PARD3B: variants seen among roughly 807,000 people sequenced by gnomAD.
The protein encoded by PARD3B is partitioning defective 3 homolog B.
In PARD3B, 103 loss-of-function variants were observed where a neutral mutation model predicts 130.2. That is an observed-to-expected ratio of 0.79 (90% CI 0.67 to 0.93). The LOEUF (loss-of-function observed/expected upper bound fraction) is 0.93, where lower values mean the gene tolerates loss of function less well. Ranked by LOEUF, PARD3B falls within the 40% of genes least tolerant of loss-of-function variation. The probability of loss-of-function intolerance (pLI) is 0.00; values close to 1 mark genes in which losing one functional copy is unlikely to be tolerated. For synonymous variants in PARD3B, 583 were observed against 553.2 expected (o/e 1.05, Z -0.76); for missense variants, 1,609 against 1,499.2 (o/e 1.07, Z -1.21).
intron 18 of PARD3B, among the ~76,000 whole-genome samples, chr2:205,306,862 A>C (rs1382517408): frequency 6.6e-6 from 1 of 152,220 alleles, no homozygotes; most frequent in East Asian, 1.9e-4. Context: ...TTTAATTCTC[A>C]TCTGTTGCTC....
chr2:205,601,035 G>A (rs970960872), intron 22 of PARD3B, among the ~76,000 whole-genome samples: 1 of 152,162 alleles, frequency 6.6e-6, no homozygotes. Flanking sequence ...TGAGATTGCT[G>A]GGTCAAATGG....
rs111822817 is a variant in PARD3B at position 204,785,812 on chromosome 2, A to G, written c.222+99530A>G. 2.2e-4 allele frequency among the ~76,000 whole-genome samples: 33 copies of G among 152,254 alleles called. 2 individuals carry two copies. The highest frequency in any genetic ancestry group is 7.2e-4 in the African/African-American group (30 of 41,552). Reference sequence around the variant, plus strand: ...CTGATAGCCAGGGTCTTCACTGGGTACCATTCAAATATCAAAATGGGTTGG... The same window carrying G: ...CTGATAGCCAGGGTCTTCACTGGGTGCCATTCAAATATCAAAATGGGTTGG... On this transcript the variant is annotated intron_variant, in intron 2 of 22. Transcript: ENST00000406610.
rs2039934542 is a variant in PARD3B at position 205,253,270 on chromosome 2, C to T, written c.2185+7448C>T. On this transcript the variant is annotated intron_variant, in intron 16 of 22. Coordinates refer to ENST00000406610, the MANE Select transcript of PARD3B (RefSeq NM_001302769.2). The surrounding 1 kb of genome is among the most constrained non-coding windows in gnomAD (Gnocchi z 4.4). ...AGAAGATAGAGACAGGGTAGATAGA[C>T]ACTTAAGAGTAAAATGTATTAACAC... 2.1e-6 allele frequency: 1 copy of T among 474,652 alleles called. No individual in the cohort carries two copies. The highest frequency in any genetic ancestry group is 2.3e-5 in the Admixed American group (1 of 43,136). 29.4% of individuals were successfully genotyped at this position (474,652 alleles called of 1,614,324 possible). A position where few individuals can be genotyped will look rare whatever the true frequency, so the allele number is the denominator to read the frequency against.
intron 2 of PARD3B, among the ~76,000 whole-genome samples, chr2:204,826,845 C>A (rs2043598021): frequency 6.6e-6 from 1 of 152,186 alleles, no homozygotes; most frequent in Admixed American, 6.5e-5. Flanking sequence ...CATAGCAAGA[C>A]TCTTTCTCTA....
intron 2 of PARD3B, among the ~76,000 whole-genome samples, chr2:204,744,740 T>G (rs1475343853): frequency 6.6e-6 from 1 of 152,064 alleles, no homozygotes; most frequent in Non-Finnish European, 1.5e-5. Flanking sequence ...TCAGCTAAGA[T>G]TGATAGGGTT....
chr2:205,152,209 A>G (rs1280436683), intron 10 of PARD3B, among the ~76,000 whole-genome samples: 1 of 151,916 alleles, frequency 6.6e-6, no homozygotes, highest in East Asian at 1.9e-4. Flanking sequence ...CTTCATTTCA[A>G]CCTTGGTGAA....
intron 5 of PARD3B, among the ~76,000 whole-genome samples, chr2:205,106,829 C>T (rs1157143573): frequency 1.3e-5 from 2 of 151,978 alleles, no homozygotes; most frequent in African/African-American, 4.8e-5. Context: ...ACTTTAAGAC[C>T]CTGGAGTGGG....
chr2:205,184,772 A>T lies in PARD3B; in HGVS notation c.1925-992A>T, dbSNP rs531072882. 1.5e-3 allele frequency among the ~76,000 whole-genome samples: 230 copies of T among 151,324 alleles called. 1 individual carries two copies. The highest frequency in any genetic ancestry group is 5.5e-3 in the African/African-American group (224 of 41,062). On this transcript the variant is annotated intron_variant, in intron 13 of 22. Coordinates refer to ENST00000406610, the MANE Select transcript of PARD3B (RefSeq NM_001302769.2). ...TAATAATAATAATAAATATATACACACACACACACATATATATATATATAA... is the reference window on the plus strand; with the variant it reads ...TAATAATAATAATAAATATATACACTCACACACACATATATATATATATAA...
At chr2:204,584,756 G>T (rs1313655534) in intron 1 of PARD3B, among the ~76,000 whole-genome samples, 4 of 152,178 alleles carry the variant, frequency 2.6e-5, no homozygotes, top group Non-Finnish European at 4.4e-5. Flanking sequence ...CCAAGGCCAC[G>T]TGGTTTAATA....
At position 205,410,019 on chromosome 2, in the gene PARD3B, A is replaced by G. The variant is rs147676332; in HGVS notation, c.2741+8896A>G. ...TTGTAATTCACTGGATTTTATGCCA[A>G]TCAGAGATACCAGAGCTGTACCTCA... is the stretch of plus-strand genomic sequence containing the variant. On this transcript the variant is annotated intron_variant, in intron 19 of 22. Transcript: ENST00000406610. Among the ~76,000 whole-genome samples the G allele has an allele frequency of 2.5e-3, 382 of 152,324 alleles. 2 individuals carry two copies. Among genetic ancestry groups the G allele is most frequent in the African/African-American group, 8.2e-3 (343 of 41,588 alleles).
Position 205,011,983 on chromosome 2 carries a change from T to C in PARD3B, c.395-35598T>C, listed in dbSNP as rs1695750420. Among the ~76,000 whole-genome samples, 1 of 152,160 alleles carries C rather than the reference T, an allele frequency of 6.6e-6. No homozygotes were observed. Among genetic ancestry groups the C allele is most frequent in the East Asian group, 1.9e-4 (1 of 5,178 alleles). On this transcript the variant is annotated intron_variant, in intron 3 of 22. Coordinates refer to ENST00000406610, the MANE Select transcript of PARD3B (RefSeq NM_001302769.2). The surrounding 1 kb of genome is among the most constrained non-coding windows in gnomAD (Gnocchi z 4.1). ...TGGGCCAAGGCCTCGTTGGGCATTT[T>C]ACAGGCTTTCTACCCATCCTCTTGC...
chr2:204,623,537 G>T lies in PARD3B; in HGVS notation c.121-62644G>T, dbSNP rs181229000. Among the ~76,000 whole-genome samples, 1 of 152,104 alleles carries T rather than the reference G, an allele frequency of 6.6e-6. No individual in the cohort carries two copies. The highest frequency in any genetic ancestry group is 1.9e-4 in the East Asian group (1 of 5,178). On this transcript the variant is annotated intron_variant, in intron 1 of 22. Transcript: ENST00000406610. The surrounding 1 kb of genome is among the most constrained non-coding windows in gnomAD (Gnocchi z 4.5). The stretch of plus-strand genomic sequence containing the variant: ...TGTGTTGTGTAACTGAAATTATGCA[G>T]TCCATGACCTTTTGAGAATGACTTT...
At chr2:204,721,220 T>C (rs2038981328) in intron 2 of PARD3B, among the ~76,000 whole-genome samples, 1 of 152,228 alleles carries the variant, frequency 6.6e-6, no homozygotes, top group African/African-American at 2.4e-5. Context: ...ACCTGTGAAT[T>C]AGAGTTTAAG....
At position 204,679,547 on chromosome 2, in the gene PARD3B, A is replaced by G. The variant is rs192315798; in HGVS notation, c.121-6634A>G. Among the ~76,000 whole-genome samples the G allele has an allele frequency of 3.9e-5, 6 of 152,322 alleles. No individual in the cohort carries two copies. In the East Asian group the frequency reaches 1.2e-3, roughly 29 times the overall value. ...TTCACAATAGTGAGCTTTTCAATCT[A>G]TGATAGTCTTCTTTAATTTTTCCTA... On this transcript the variant is annotated intron_variant, in intron 1 of 22. Coordinates refer to ENST00000406610, the MANE Select transcript of PARD3B (RefSeq NM_001302769.2).
chr2:204,731,832 A>T (rs1256253278), intron 2 of PARD3B, among the ~76,000 whole-genome samples: 1 of 152,090 alleles, frequency 6.6e-6, no homozygotes, highest in Non-Finnish European at 1.5e-5. Flanking sequence ...TGTGGTTAGA[A>T]CCTTTTCTGA....
Position 205,463,103 on chromosome 2 carries a change from T to G in PARD3B, c.3044+22431T>G, listed in dbSNP as rs1197944565. Reference sequence around the variant, plus strand: ...GCCCTCAATATCCTTCCCTGCCCCCTTATTTGGTTTGAACTGACTCACCTA... The same window carrying G: ...GCCCTCAATATCCTTCCCTGCCCCCGTATTTGGTTTGAACTGACTCACCTA... On this transcript the variant is annotated intron_variant, in intron 20 of 22. Coordinates refer to ENST00000406610, the MANE Select transcript of PARD3B (RefSeq NM_001302769.2). The surrounding 1 kb of genome is among the most constrained non-coding windows in gnomAD (Gnocchi z 4.8). Among the ~76,000 whole-genome samples the G allele has an allele frequency of 1.3e-5, 2 of 152,204 alleles. No individual in the cohort carries two copies. The highest frequency in any genetic ancestry group is 4.8e-5 in the African/African-American group (2 of 41,458).
intron 16 of PARD3B, among the ~76,000 whole-genome samples, chr2:205,246,077 T>A (rs994109401): frequency 6.6e-6 from 1 of 152,122 alleles, no homozygotes; most frequent in African/African-American, 2.4e-5. Flanking sequence ...AAATCTTAAA[T>A]CTGTACTCTA....
intron 1 of PARD3B, among the ~76,000 whole-genome samples, chr2:204,667,937 C>T (rs914941543): frequency 1.3e-5 from 2 of 152,034 alleles, no homozygotes; most frequent in South Asian, 2.1e-4. Context: ...GTATGCCTAA[C>T]GAGGTGTATA....
intron 10 of PARD3B, among the ~76,000 whole-genome samples, chr2:205,143,162 T>C (rs767772955): frequency 6.6e-6 from 1 of 152,186 alleles, no homozygotes; most frequent in African/African-American, 2.4e-5. Context: ...CAGCACTTGA[T>C]ATATACACAC....
Sources: allele counts gnomAD v4.1 joint callset (sites outside exome capture counted in the v4.1 genomes callset), GRCh38; gene constraint gnomAD v4.1.1; non-coding constraint Gnocchi (gnomAD v3.1); transcripts MANE v1.5; gene names NCBI Gene and HGNC (gene_info 2026-07-23, HGNC 2026-07-21).